Variants in HECTD4 observed in about 807,000 individuals in gnomAD.
The protein encoded by HECTD4 is probable E3 ubiquitin-protein ligase HECTD4.
A neutral mutation model predicts 471.5 loss-of-function variants in HECTD4; 114 were observed. The ratio of observed to expected loss-of-function variants is 0.24; its 90% CI spans 0.21 to 0.28. HECTD4 has a LOEUF of 0.28. Ranked by LOEUF, HECTD4 falls within the 10% of genes least tolerant of loss-of-function variation. HECTD4 has a pLI of 1.00. For synonymous variants in HECTD4, 2,012 were observed against 2,256.0 expected, an observed-to-expected ratio of 0.89 and a Z score of 3.07; for missense variants, 3,866 against 5,651.5, an observed-to-expected ratio of 0.68 and a Z score of 10.13.
rs1313280920 is a variant in HECTD4, at chr12:112,228,226, C to T, written c.6717G>A (p.Glu2239=). 1 of 1,612,294 alleles carries T rather than the reference C, an allele frequency of 6.2e-7. No individual in the cohort carries two copies. Among genetic ancestry groups the T allele is most frequent in the Non-Finnish European group, 8.5e-7 (1 of 1,179,252 alleles). The stretch of plus-strand genomic sequence containing the variant: ...TGGACTGGACTGCCTGTACTACCTT[C>T]TCAGTAATGGACAGTTTATGAAGAG... ...ALPLHKLSIT[E]KVVQAVQSML... Residue 2239 remains glutamate, a synonymous_variant, in exon 43 of 76, where the codon GAG becomes GAA. Coordinates refer to ENST00000682272, the MANE Select transcript of HECTD4 (RefSeq NM_001388303.1). This position sits in a 1 kb window ranked among gnomAD's most constrained non-coding sequence, Gnocchi z 4.9.
intron 1 of HECTD4, among the ~76,000 whole-genome samples, chr12:112,368,663 T>C (rs1336763643): frequency 1.3e-5 from 2 of 152,224 alleles, no homozygotes. Flanking sequence ...CAATTTTATC[T>C]ATATAAAAAT....
rs1725274288 is a variant in HECTD4 at position 112,228,648 on chromosome 12, T to C, written c.6683A>G (p.Glu2228Gly). 6.2e-7 allele frequency: 1 copy of C among 1,602,216 alleles called. No homozygotes were observed. The highest frequency in any genetic ancestry group is 1.3e-5 in the African/African-American group (1 of 74,224). Residue 2228 changes from glutamate (E) to glycine (G), a missense_variant and splice_region_variant, in exon 42 of 76, where the codon GAG becomes GGG. By Grantham distance (98) the Glu-to-Gly change is moderately conservative. Transcript: ENST00000682272. This position sits in a 1 kb window ranked among gnomAD's most constrained non-coding sequence, Gnocchi z 4.9. ...CAAAGCATTTAAAAATCACCTTACC[T>C]CTGATCTTGGAACACAAAGTCTAGA... ...PLSRLCVPRS[E>G]ALPLHKLSIT...
At position 112,193,494 on chromosome 12, in the gene HECTD4, G is replaced by A. The variant is rs374620653; in HGVS notation, c.8930C>T (p.Thr2977Met). The A allele has an allele frequency of 3.0e-5, 49 of 1,610,326 alleles. No individual in the cohort carries two copies. Among genetic ancestry groups the A allele is most frequent in the African/African-American group, 2.0e-4 (15 of 75,006 alleles). The change falls in exon 57 of 76, where the codon ACG (threonine) becomes ATG (methionine). Residue 2977 changes from threonine to methionine, a missense_variant. By Grantham distance (81) the Thr-to-Met change is moderately conservative. Transcript: ENST00000682272. This position sits in a 1 kb window ranked among gnomAD's most constrained non-coding sequence, Gnocchi z 5.2. ...CTGCAGGAAAGAGCAGATCTGTTTC[G>A]TCAGCTCTAAAAGGCTCTCCTCGCC... is the stretch of plus-strand genomic sequence containing the variant. ...HQGEESLLEL[T>M]KQICSFLQTA... is the part of the protein sequence containing the mutation.
intron 37 of HECTD4, among the ~76,000 whole-genome samples, chr12:112,234,075 C>T (rs369249516): frequency 2.4e-4 from 37 of 152,104 alleles, no homozygotes; most frequent in African/African-American, 8.9e-4. Flanking sequence ...TTCTTATTAT[C>T]TGTTATTTTC....
At chr12:112,261,665 G>A (rs993683367) in intron 17 of HECTD4, 3 of 397,784 alleles carry the variant, frequency 7.5e-6, no homozygotes, top group African/African-American at 2.0e-5. Flanking sequence ...ACAGAAATAC[G>A]CAGTATTTCA....
chr12:112,357,564 C>T (rs2036364993), intron 1 of HECTD4, among the ~76,000 whole-genome samples: 1 of 152,126 alleles, frequency 6.6e-6, no homozygotes, highest in African/African-American at 2.4e-5. Context: ...GTAGGAGATG[C>T]AGTTCTCACA....
At chr12:112,303,018 A>G (rs1238075384) in intron 7 of HECTD4, among the ~76,000 whole-genome samples, 1 of 143,870 alleles carries the variant, frequency 7.0e-6, no homozygotes, top group African/African-American at 2.6e-5. Flanking sequence ...AGCACTAATC[A>G]GGAATTCTGT....
At position 112,208,500 on chromosome 12, in the gene HECTD4, G is replaced by C; in HGVS notation, c.7998C>G (p.Ile2666Met). Residue 2666 changes from isoleucine to methionine, a missense_variant, in exon 51 of 76, where the codon ATC becomes ATG. Transcript: ENST00000682272. Reference protein sequence around the residue: ...DESDDDDDDDIPQEDHYALLV... With the variant: ...DESDDDDDDDMPQEDHYALLV... ...AAGCCTGTGGGTCTCTTACCTGAGG[G>C]ATGTCATCATCGTCATCATCATCGC... is the stretch of plus-strand genomic sequence containing the variant. 6.3e-7 allele frequency: 1 copy of C among 1,591,236 alleles called. No homozygotes were observed. The highest frequency in any genetic ancestry group is 8.5e-7 in the Non-Finnish European group (1 of 1,170,684).
At chr12:112,237,945 G>A (rs1320866849) in intron 34 of HECTD4, among the ~76,000 whole-genome samples, 1 of 151,898 alleles carries the variant, frequency 6.6e-6, no homozygotes, top group Non-Finnish European at 1.5e-5. Context: ...GTAGAGATGG[G>A]GTTTCTCCAT....
chr12:112,347,082 A>G (rs1305270502), intron 1 of HECTD4, among the ~76,000 whole-genome samples: 1 of 152,002 alleles, frequency 6.6e-6, no homozygotes, highest in Non-Finnish European at 1.5e-5. Flanking sequence ...TCGACTTTTC[A>G]TGTTTCTTTT....
At position 112,243,848 on chromosome 12, in the gene HECTD4, C is replaced by T. The variant is rs2033696728; in HGVS notation, c.4649+26G>A. The T allele has an allele frequency of 6.2e-7, 1 of 1,612,594 alleles. No individual in the cohort carries two copies. The highest frequency in any genetic ancestry group is 2.2e-5 in the East Asian group (1 of 44,852). On this transcript the variant is annotated intron_variant, in intron 30 of 75. Coordinates refer to ENST00000682272, the MANE Select transcript of HECTD4 (RefSeq NM_001388303.1). This position sits in a 1 kb window ranked among gnomAD's most constrained non-coding sequence, Gnocchi z 6.6. ...GAATGCATTCAGCTGCATGTGGGAA[C>T]CCAACCCCGGCCATTAGCCATTTAC...
At chr12:112,286,426 C>A (rs578250518) in intron 7 of HECTD4, among the ~76,000 whole-genome samples, 2 of 152,222 alleles carry the variant, frequency 1.3e-5, no homozygotes, top group Non-Finnish European at 1.5e-5. Context: ...GTAATCCCAG[C>A]ACTTTGGGAG....
At chr12:112,181,910 GGTGAAACCCC>G (rs1382136531) in intron 62 of HECTD4, among the ~76,000 whole-genome samples, 5 of 151,934 alleles carry the variant, frequency 3.3e-5, no homozygotes, top group Admixed American at 3.3e-4. Flanking sequence ...TGGCCAACAT[GGTGAAACCCC>G]GTCTCTACTA....
chr12:112,324,064 T>G, intron 1 of HECTD4, among the ~76,000 whole-genome samples: 1 of 83,108 alleles, frequency 1.2e-5, no homozygotes, highest in African/African-American at 7.4e-5. Flanking sequence ...CTTTCTTTCT[T>G]TCTTTCTTTC....
intron 1 of HECTD4, among the ~76,000 whole-genome samples, chr12:112,330,683 T>C (rs2035829833): frequency 6.6e-6 from 1 of 152,204 alleles, no homozygotes; most frequent in Non-Finnish European, 1.5e-5. Context: ...CTGAGCACAG[T>C]GTCTGGCACA....
chr12:112,269,567 A>C (rs1056755923), intron 13 of HECTD4, 137 bp downstream of exon 13: 2 of 911,196 alleles, frequency 2.2e-6, no homozygotes, highest in Non-Finnish European at 3.3e-6. Context: ...TCTCCAGTGA[A>C]ATTATCCCCA....
intron 7 of HECTD4, among the ~76,000 whole-genome samples, chr12:112,296,436 C>T (rs1327592015): frequency 2.0e-5 from 3 of 150,354 alleles, no homozygotes; most frequent in Non-Finnish European, 4.4e-5. Flanking sequence ...GGTGTAGGTG[C>T]AGTGGATGTA....
chr12:112,370,969 A>G (rs970230996), intron 1 of HECTD4, among the ~76,000 whole-genome samples: 8 of 152,154 alleles, frequency 5.3e-5, no homozygotes, highest in African/African-American at 1.9e-4. Context: ...TGTTCACCCC[A>G]CAACCACTGT....
At position 112,265,868 on chromosome 12, in the gene HECTD4, C is replaced by G. The variant is rs2034257193; in HGVS notation, c.2498+10G>C. On this transcript the variant is annotated intron_variant, in intron 15 of 75. Transcript: ENST00000682272. ...CAAAGGCTAGAAGTGAATAATATAA[C>G]TGGTGTCACCTGTAATGATCATCCT... The G allele has an allele frequency of 6.3e-7, 1 of 1,593,316 alleles. No homozygotes were observed. Among genetic ancestry groups the G allele is most frequent in the East Asian group, 2.2e-5 (1 of 44,678 alleles).
Sources: allele counts gnomAD v4.1 joint callset (sites outside exome capture counted in the v4.1 genomes callset), GRCh38; gene constraint gnomAD v4.1.1; non-coding constraint Gnocchi (gnomAD v3.1); transcripts MANE v1.5; gene names NCBI Gene and HGNC (gene_info 2026-07-23, HGNC 2026-07-21).